XYLB: variants seen among roughly 807,000 people sequenced by gnomAD.
XYLB encodes xylulokinase.
In XYLB, 62 loss-of-function variants were observed where a neutral mutation model predicts 78.7. The ratio of observed to expected loss-of-function variants is 0.79; its 90% CI spans 0.64 to 0.97. The LOEUF (loss-of-function observed/expected upper bound fraction) is 0.97. Ranked by LOEUF, XYLB falls within the 50% of genes least tolerant of loss-of-function variation. The probability of loss-of-function intolerance (pLI) is 0.00; values close to 1 mark genes in which losing one functional copy is unlikely to be tolerated. For missense variants in XYLB, 687 were observed against 676.8 expected (o/e 1.02, Z -0.17); for synonymous variants, 245 against 247.4 (o/e 0.99, Z 0.09).
chr3:38,447,494 T>G, the XYLB span, among the ~76,000 whole-genome samples: 1 of 120,692 alleles, frequency 8.3e-6, no homozygotes, highest in Non-Finnish European at 1.8e-5. Flanking sequence ...TTTTTTTTTT[T>G]GTAGATACAA....
intron 2 of XYLB, among the ~76,000 whole-genome samples, chr3:38,351,428 T>G (rs1465082351): frequency 6.6e-6 from 1 of 152,108 alleles, no homozygotes; most frequent in Non-Finnish European, 1.5e-5. Flanking sequence ...TTTTTTCCAT[T>G]ATATTTTCAA....
the XYLB span, among the ~76,000 whole-genome samples, chr3:38,450,704 G>C: frequency 6.6e-6 from 1 of 152,148 alleles, no homozygotes; most frequent in Non-Finnish European, 1.5e-5. Flanking sequence ...AACCAGCCTA[G>C]TATTTGCTTG....
intron 10 of XYLB, among the ~76,000 whole-genome samples, chr3:38,373,333 C>G (rs1706674226): frequency 6.6e-6 from 1 of 152,116 alleles, no homozygotes; most frequent in Admixed American, 6.5e-5. Context: ...CACCCCCACC[C>G]CAGGAAAAGT....
intron 2 of XYLB, among the ~76,000 whole-genome samples, chr3:38,359,256 AT>A (rs1370166154): frequency 6.6e-6 from 1 of 152,280 alleles, no homozygotes; most frequent in Non-Finnish European, 1.5e-5. Context: ...TAAGGCACAG[AT>A]CGCTTATGCC....
At chr3:38,384,449 C>G (rs2125623363) in intron 15 of XYLB, among the ~76,000 whole-genome samples, 1 of 152,328 alleles carries the variant, frequency 6.6e-6, no homozygotes, top group East Asian at 1.9e-4. Flanking sequence ...GGCAGTCCTT[C>G]TCTCTTCCCA....
chr3:38,406,270 C>A (rs899587250), intron 18 of XYLB, among the ~76,000 whole-genome samples: 1 of 152,252 alleles, frequency 6.6e-6, no homozygotes, highest in Non-Finnish European at 1.5e-5. Context: ...GATACCCAGG[C>A]AAACAGGGTC....
chr3:38,406,960 C>T (rs1411994779), intron 18 of XYLB, among the ~76,000 whole-genome samples: 6 of 150,764 alleles, frequency 4.0e-5, no homozygotes, highest in African/African-American at 1.5e-4. Context: ...AAACACTCTG[C>T]AGGATATTAT....
chr3:38,422,303 G>C (rs1432206353), downstream of XYLB, among the ~76,000 whole-genome samples: 1 of 152,222 alleles, frequency 6.6e-6, no homozygotes, highest in Non-Finnish European at 1.5e-5. Flanking sequence ...AGAGCCAGGA[G>C]AGTGTATAGC....
intron 16 of XYLB, among the ~76,000 whole-genome samples, chr3:38,395,853 C>T (rs947013226): frequency 1.3e-5 from 2 of 152,248 alleles, no homozygotes; most frequent in African/African-American, 2.4e-5. Context: ...AACCTTCTCA[C>T]ATCTAGTGCC....
At position 38,413,055 on chromosome 3, in the gene XYLB, C is replaced by T. The variant is rs1184083114; in HGVS notation, c.*42C>T. ...CCCCTGCCTGCCCAGATTTACTGAC[C>T]CCATTTGTCGACATGGCCCCAGACA... is the stretch of plus-strand genomic sequence containing the variant. On this transcript the variant is annotated 3_prime_UTR_variant, in exon 19 of 19. Transcript: ENST00000207870. 6.4e-7 allele frequency: 1 copy of T among 1,552,528 alleles called. No homozygotes were observed. The highest frequency in any genetic ancestry group is 2.4e-5 in the East Asian group (1 of 42,462).
chr3:38,396,073 T>A (rs1291339410), intron 16 of XYLB, among the ~76,000 whole-genome samples: 1 of 152,186 alleles, frequency 6.6e-6, no homozygotes, highest in African/African-American at 2.4e-5. Flanking sequence ...TATGGAGACA[T>A]TGTGCATTTT....
chr3:38,366,732 T>C, intron 6 of XYLB, 76 bp from the exon 7 acceptor site: 1 of 1,055,790 alleles, frequency 9.5e-7, no homozygotes, highest in Non-Finnish European at 1.5e-6. Flanking sequence ...GCATGCTACA[T>C]TAAACTCACT....
At chr3:38,447,653 G>A in the XYLB span, among the ~76,000 whole-genome samples, 1 of 151,960 alleles carries the variant, frequency 6.6e-6, no homozygotes, top group African/African-American at 2.4e-5. Flanking sequence ...TGGTGGGAAT[G>A]TAAACTAGCA....
intron 2 of XYLB, among the ~76,000 whole-genome samples, chr3:38,350,739 G>A (rs554474404): frequency 1.8e-4 from 27 of 151,984 alleles, no homozygotes; most frequent in Non-Finnish European, 3.2e-4. Flanking sequence ...CTTTTTATGG[G>A]ATGCCTTAGC....
chr3:38,449,997 A>G, the XYLB span, among the ~76,000 whole-genome samples: 1 of 152,194 alleles, frequency 6.6e-6, no homozygotes, highest in Non-Finnish European at 1.5e-5. Flanking sequence ...AAGGCAAAGA[A>G]ATAAAGCACT....
intron 18 of XYLB, among the ~76,000 whole-genome samples, chr3:38,410,334 T>C (rs1356227462): frequency 6.6e-6 from 1 of 152,198 alleles, no homozygotes; most frequent in Non-Finnish European, 1.5e-5. Flanking sequence ...TAGCCATGTG[T>C]AGAAAGCTGA....
At chr3:38,432,354 G>A in the XYLB span, among the ~76,000 whole-genome samples, 1 of 151,364 alleles carries the variant, frequency 6.6e-6, no homozygotes, top group African/African-American at 2.4e-5. Context: ...GGATCTCGAG[G>A]TCAGGAGATT....
downstream of XYLB, among the ~76,000 whole-genome samples, chr3:38,417,468 C>G (rs1462929628): frequency 3.3e-5 from 5 of 152,184 alleles, no homozygotes; most frequent in African/African-American, 1.2e-4. Flanking sequence ...ACACATAAAA[C>G]CCACAGTACA....
the XYLB span, among the ~76,000 whole-genome samples, chr3:38,450,872 T>C: frequency 3.9e-5 from 6 of 152,204 alleles, no homozygotes; most frequent in Non-Finnish European, 8.8e-5. Flanking sequence ...GTAGTGTACA[T>C]GGAAAAAAGT....
Sources: gnomAD v4.1 joint callset for allele counts (sites outside exome capture counted in the v4.1 genomes callset) on GRCh38, gnomAD v4.1.1 for gene constraint, MANE v1.5 for transcripts, NCBI Gene and HGNC (gene_info 2026-07-23, HGNC 2026-07-21) for gene names.